KRAS: variants seen among roughly 807,000 people sequenced by gnomAD.
KRAS encodes KRas proto-oncogene, GTPase, also known as GTPase KRas.
Under a neutral mutation model 21.0 loss-of-function variants are expected in KRAS, and 1 was observed. The observed-to-expected ratio is 0.05, with a 90% CI of 0.02 to 0.23. The LOEUF (loss-of-function observed/expected upper bound fraction) is 0.23, where lower values mean the gene tolerates loss of function less well. Among genes scored for constraint, KRAS ranks in the 10% least tolerant of loss-of-function variants. KRAS has a pLI of 1.00. For missense variants in KRAS, 107 were observed against 221.8 expected, an observed-to-expected ratio of 0.48 and a Z score of 3.29; for synonymous variants, 67 against 72.5, an observed-to-expected ratio of 0.92 and a Z score of 0.39.
chr12:25,240,398 C>T (rs977184148), intron 2 of KRAS, among the ~76,000 whole-genome samples: 5 of 152,126 alleles, frequency 3.3e-5, no homozygotes, highest in African/African-American at 1.2e-4. Context: ...AAAAGATATT[C>T]TGAGGAAAAA....
chr12:25,218,330 A>G (rs757127204), intron 4 of KRAS, among the ~76,000 whole-genome samples: 30 of 152,202 alleles, frequency 2.0e-4, no homozygotes, highest in Admixed American at 3.3e-4. Context: ...GCAAATTTTG[A>G]TTTTAACTTA....
intron 2 of KRAS, chr12:25,235,339 T>G (rs545557635): frequency 2.0e-5 from 8 of 405,584 alleles, no homozygotes; most frequent in Non-Finnish European, 2.7e-5. Context: ...ACTTTCCGTT[T>G]ATAAGCCATC....
intron 4 of KRAS, among the ~76,000 whole-genome samples, chr12:25,220,534 T>C (rs1951306773): frequency 6.6e-6 from 1 of 151,382 alleles, no homozygotes; most frequent in Non-Finnish European, 1.5e-5. Flanking sequence ...TGAGACCATA[T>C]TGGCCAACAT....
Position 25,206,314 on chromosome 12 carries a change from A to C in KRAS, c.*3481T>G, listed in dbSNP as rs984556402. 19 of 207,538 alleles carry C rather than the reference A, an allele frequency of 9.2e-5. No individual in the cohort carries two copies. Among genetic ancestry groups the C allele is most frequent in the African/African-American group, 4.3e-4 (19 of 44,000 alleles). 12.9% of individuals were successfully genotyped at this position (207,538 alleles called of 1,614,324 possible). A position where few individuals can be genotyped will look rare whatever the true frequency, so the allele number is the denominator to read the frequency against. On this transcript the variant is annotated 3_prime_UTR_variant, in exon 5 of 5. Coordinates refer to ENST00000311936, the MANE Select transcript of KRAS (RefSeq NM_004985.5). ...CTAGAATGCCTACTTGGGAACATTC[A>C]CTCAAATGATACAATATACGTCTGC...
At chr12:25,233,246 T>C (rs1051882341) in intron 2 of KRAS, among the ~76,000 whole-genome samples, 8 of 152,090 alleles carry the variant, frequency 5.3e-5, no homozygotes, top group Non-Finnish European at 8.8e-5. Flanking sequence ...CAGCAAGTGA[T>C]AGTTTATAAA....
In KRAS at chr12:25,227,353, G is replaced by A. The variant is rs1951406780; in HGVS notation, c.171C>T (p.Asp57=). 1 of 1,613,912 alleles carries A rather than the reference G, an allele frequency of 6.2e-7. No individual in the cohort carries two copies. The highest frequency in any genetic ancestry group is 1.3e-5 in the African/African-American group (1 of 74,886). Residue 57 remains aspartate (D), a synonymous_variant, in exon 3 of 5, where the codon GAC becomes GAT. Transcript: ENST00000311936. ...CACTGTACTCCTCTTGACCTGCTGT[G>A]TCGAGAATATCCAAGAGACAGGTTT... ...DGETCLLDIL[D]TAGQEEYSAM... is the part of the protein sequence containing the mutation.
chr12:25,205,429 A>C lies in KRAS; in HGVS notation c.*4366T>G, dbSNP rs1951124943. 1 of 214,806 alleles carries C rather than the reference A, an allele frequency of 4.7e-6. No homozygotes were observed. The highest frequency in any genetic ancestry group is 9.4e-6 in the Non-Finnish European group (1 of 106,190). 13.3% of individuals were successfully genotyped at this position (214,806 alleles called of 1,614,324 possible). A position where few individuals can be genotyped will look rare whatever the true frequency, so the allele number is the denominator to read the frequency against. ...CCAACATTCCTAGGTCAGCGCAACCAAATGATGGAAAACAACTGGATCACA... is the reference window on the plus strand; with the variant it reads ...CCAACATTCCTAGGTCAGCGCAACCCAATGATGGAAAACAACTGGATCACA... On this transcript the variant is annotated 3_prime_UTR_variant, in exon 5 of 5. Transcript: ENST00000311936.
chr12:25,216,786 G>T (rs1376304852), intron 4 of KRAS, among the ~76,000 whole-genome samples: 1 of 152,188 alleles, frequency 6.6e-6, no homozygotes, highest in Admixed American at 6.5e-5. Flanking sequence ...ACGGGGCAAA[G>T]TGCTTAGTTA....
intron 4 of KRAS, among the ~76,000 whole-genome samples, chr12:25,213,697 GTAATAAATA>G (rs965734839): frequency 1.3e-5 from 2 of 152,164 alleles, no homozygotes; most frequent in African/African-American, 4.8e-5. Flanking sequence ...ACACCAACTT[GTAATAAATA>G]TAATAAATGT....
chr12:25,223,507 C>A (rs1453260040), intron 4 of KRAS, among the ~76,000 whole-genome samples: 1 of 152,080 alleles, frequency 6.6e-6, no homozygotes, highest in African/African-American at 2.4e-5. Context: ...ATGATATACA[C>A]CAAGTTTAAC....
Position 25,225,791 on chromosome 12 carries a change from G to A in KRAS, c.291-18C>T, listed in dbSNP as rs995378646. 1.2e-6 allele frequency: 2 copies of A among 1,606,358 alleles called. No individual in the cohort carries two copies. Among genetic ancestry groups the A allele is most frequent in the Non-Finnish European group, 8.5e-7 (1 of 1,175,036 alleles). On this transcript the variant is annotated intron_variant, in intron 3 of 4. Transcript: ENST00000311936. ...TTTGTTCTCTGGGAAAGAAAAAAAA[G>A]TTATAGCACAGTCATTAGTAACACA...
intron 2 of KRAS, 143 bp from the exon 3 acceptor site, chr12:25,227,555 C>A (rs888765519): frequency 4.4e-6 from 3 of 677,664 alleles, no homozygotes; most frequent in South Asian, 1.8e-5. Flanking sequence ...CCAAAGATGA[C>A]GGACAAATGG....
intron 2 of KRAS, among the ~76,000 whole-genome samples, chr12:25,238,364 A>C (rs1172939421): frequency 6.6e-6 from 1 of 152,218 alleles, no homozygotes; most frequent in African/African-American, 2.4e-5. Flanking sequence ...GGCTGGAATG[A>C]CCGTGGATCC....
chr12:25,219,124 A>AG (rs1195309001), intron 4 of KRAS, among the ~76,000 whole-genome samples: 3 of 151,694 alleles, frequency 2.0e-5, no homozygotes, highest in Admixed American at 1.3e-4. Context: ...TTTTTAGTAG[A>AG]GGGGGGTTTC....
intron 1 of KRAS, among the ~76,000 whole-genome samples, chr12:25,248,793 G>A (rs1008886001): frequency 5.7e-4 from 87 of 151,898 alleles, no homozygotes; most frequent in African/African-American, 2.0e-3. Flanking sequence ...TGTAATGGAA[G>A]AAAATTCATT....
At chr12:25,216,373 T>A (rs61762441) in intron 4 of KRAS, among the ~76,000 whole-genome samples, 33 of 152,280 alleles carry the variant, frequency 2.2e-4, no homozygotes, top group African/African-American at 7.9e-4. Flanking sequence ...CCTCCCAGGC[T>A]AGGTGATCCC....
chr12:25,248,612 A>AT (rs1175766711), intron 1 of KRAS, among the ~76,000 whole-genome samples: 1 of 151,828 alleles, frequency 6.6e-6, no homozygotes, highest in Non-Finnish European at 1.5e-5. Context: ...TTCCAGAAAA[A>AT]AAAAAAATTC....
chr12:25,226,626 T>C (rs766761294), intron 3 of KRAS, among the ~76,000 whole-genome samples: 35 of 152,212 alleles, frequency 2.3e-4, no homozygotes, highest in Non-Finnish European at 4.4e-4. Context: ...TTATATGACA[T>C]AGCCACTGAG....
intron 1 of KRAS, among the ~76,000 whole-genome samples, chr12:25,245,807 T>G (rs1951671546): frequency 6.6e-6 from 1 of 152,182 alleles, no homozygotes; most frequent in Non-Finnish European, 1.5e-5. Context: ...CTGACAGCTA[T>G]CTCCACTCTT....
Sources: allele counts gnomAD v4.1 joint callset (sites outside exome capture counted in the v4.1 genomes callset), GRCh38; gene constraint gnomAD v4.1.1; transcripts MANE v1.5; gene names NCBI Gene and HGNC (gene_info 2026-07-23, HGNC 2026-07-21).